The following AFF2 variants were observed in gnomAD, a reference collection of about 807,000 sequenced individuals.
AFF2 encodes ALF transcription elongation factor 2, also known as AF4/FMR2 family member 2.
Under a neutral mutation model 76.9 loss-of-function variants are expected in AFF2, and 14 were observed. The observed-to-expected ratio is 0.18, with a 90% CI of 0.12 to 0.28. The LOEUF (loss-of-function observed/expected upper bound fraction) is 0.28, where lower values mean the gene tolerates loss of function less well. Ranked by LOEUF, AFF2 falls within the 10% of genes least tolerant of loss-of-function variation. The pLI is 1.00. For synonymous variants in AFF2, 398 were observed against 366.7 expected (o/e 1.09, Z -0.98); for missense variants, 868 against 1,001.1 (o/e 0.87, Z 1.79).
chrX:148,880,155 G>A (rs1255656045), intron 7 of AFF2, among the ~76,000 whole-genome samples: 1 of 112,037 alleles, frequency 8.9e-6, no homozygotes, highest in Non-Finnish European at 1.9e-5. Context: ...CAGGGATTCT[G>A]TAGGATTCCC....
rs2072184913 is a variant in AFF2 at position 148,966,940 on chromosome X, A to G, written c.3064A>G (p.Thr1022Ala). The G allele has an allele frequency of 8.3e-7, 1 of 1,208,607 alleles. No individual in the cohort carries two copies. Among genetic ancestry groups the G allele is most frequent in the Admixed American group, 2.2e-5 (1 of 45,600 alleles). Residue 1022 changes from threonine (T) to alanine (A), a missense_variant, in exon 14 of 21, where the codon ACC becomes GCC. By Grantham distance (58) the Thr-to-Ala change is moderately conservative. Transcript: ENST00000370460. ...GGCCACCACCACAACTACTACCACT[A>G]CCATTTCCACCATCACCTCTACCAT... The part of the protein sequence containing the change: ...ATATTTTTTT[T>A]ISTITSTITT...
intron 9 of AFF2, among the ~76,000 whole-genome samples, chrX:148,921,387 C>T (rs2071594270): frequency 8.9e-6 from 1 of 112,326 alleles, no homozygotes; most frequent in Non-Finnish European, 1.9e-5. Context: ...CAAGGGAGCC[C>T]TGTACCCGTT....
intron 3 of AFF2, among the ~76,000 whole-genome samples, chrX:148,700,940 C>A (rs1557261778): frequency 9.4e-6 from 1 of 106,350 alleles, no homozygotes; most frequent in Non-Finnish European, 1.9e-5. Context: ...TAATTTGGGG[C>A]CTTTGCCCTT....
At chrX:148,622,156 C>T (rs1010260646) in intron 1 of AFF2, among the ~76,000 whole-genome samples, 2 of 111,922 alleles carry the variant, frequency 1.8e-5, no homozygotes, top group African/African-American at 3.2e-5. Context: ...CAGCCCTTTG[C>T]GAAAGCTCTG....
chrX:148,545,452 A>G (rs1323127490), intron 1 of AFF2, among the ~76,000 whole-genome samples: 1 of 112,016 alleles, frequency 8.9e-6, no homozygotes, highest in Non-Finnish European at 1.9e-5. Flanking sequence ...TCACAGACAA[A>G]TAACTTCACT....
intron 1 of AFF2, among the ~76,000 whole-genome samples, chrX:148,574,979 TGTGTGTGA>T (rs1258278242): frequency 3.9e-4 from 36 of 92,643 alleles, no homozygotes; most frequent in African/African-American, 1.5e-3. Flanking sequence ...TGTGTGTGTG[TGTGTGTGA>T]GAGAGAGACT....
At chrX:148,796,949 G>T (rs1557270543) in intron 3 of AFF2, among the ~76,000 whole-genome samples, 1 of 112,011 alleles carries the variant, frequency 8.9e-6, no homozygotes, top group African/African-American at 3.2e-5. Flanking sequence ...TTTTGAAAAT[G>T]ACATCTAATT....
At chrX:148,617,579 T>C (rs2053825046) in intron 1 of AFF2, among the ~76,000 whole-genome samples, 1 of 112,382 alleles carries the variant, frequency 8.9e-6, no homozygotes, top group Admixed American at 9.4e-5. Flanking sequence ...TTGAATTAGA[T>C]CCCATTTGTC....
chrX:148,581,364 GTATACGTGTACACACATATACACGTA>G (rs2053392778), intron 1 of AFF2, among the ~76,000 whole-genome samples: 1 of 104,378 alleles, frequency 9.6e-6, no homozygotes, highest in Non-Finnish European at 2.0e-5. Context: ...ACATATATAC[GTATACGTGTACACACATATACACGTA>G]TATACGTATA....
At chrX:148,524,633 C>T (rs782409468) in intron 1 of AFF2, among the ~76,000 whole-genome samples, 47 of 112,509 alleles carry the variant, frequency 4.2e-4, no homozygotes, top group African/African-American at 1.5e-3. Context: ...TAGAATTTCT[C>T]AGAATATTCC....
intron 2 of AFF2, among the ~76,000 whole-genome samples, chrX:148,659,500 A>G (rs1460178098): frequency 2.7e-5 from 3 of 112,511 alleles, no homozygotes; most frequent in Non-Finnish European, 5.6e-5. Context: ...TTTCTGTGAA[A>G]GCCAGATAAT....
chrX:148,828,891 G>A (rs1384691224), intron 4 of AFF2, among the ~76,000 whole-genome samples: 1 of 112,115 alleles, frequency 8.9e-6, no homozygotes, highest in Non-Finnish European at 1.9e-5. Context: ...AGTACACAGT[G>A]GAGATTCAGA....
chrX:148,521,888 C>A (rs1477708694), intron 1 of AFF2, among the ~76,000 whole-genome samples: 1 of 111,981 alleles, frequency 8.9e-6, no homozygotes, highest in Non-Finnish European at 1.9e-5. Context: ...TTGTGCCGTC[C>A]AAAAGCACTG....
chrX:148,617,729 G>A (rs1202607598), intron 1 of AFF2, among the ~76,000 whole-genome samples: 2 of 112,287 alleles, frequency 1.8e-5, no homozygotes, highest in African/African-American at 6.5e-5. Context: ...AATCTTTCTT[G>A]TGTATACCTG....
intron 3 of AFF2, among the ~76,000 whole-genome samples, chrX:148,700,462 G>GTGTGT (rs201478374): frequency 3.0e-5 from 3 of 98,984 alleles, no homozygotes; most frequent in Admixed American, 1.1e-4. Flanking sequence ...GTGTGTGTGT[G>GTGTGT]GTGATTGCGG....
At chrX:148,798,791 C>A (rs1014198439) in intron 3 of AFF2, among the ~76,000 whole-genome samples, 7 of 112,109 alleles carry the variant, frequency 6.2e-5, no homozygotes, top group Non-Finnish European at 1.3e-4. Flanking sequence ...AACCATGGTA[C>A]ACCATGTATC....
rs149638413 is a variant in AFF2 at position 148,948,716 on chromosome X, A to G, written c.1398-4864A>G. Among the ~76,000 whole-genome samples the G allele has an allele frequency of 9.1e-3, 1,005 of 110,280 alleles. 14 individuals are homozygous for G. The highest frequency in any genetic ancestry group is 0.032 in the African/African-American group (968 of 30,268). ...ATGAGGTCACTGTTTGGGATTAGCC[A>G]TCTCTCAGAACAATTGTTCATTGTT... On this transcript the variant is annotated intron_variant, in intron 9 of 20. Coordinates refer to ENST00000370460, the MANE Select transcript of AFF2 (RefSeq NM_002025.4).
intron 3 of AFF2, among the ~76,000 whole-genome samples, chrX:148,677,790 T>C (rs1453790767): frequency 8.9e-6 from 1 of 112,153 alleles, no homozygotes; most frequent in Non-Finnish European, 1.9e-5. Flanking sequence ...TATGATAAAA[T>C]ATTGATGGAG....
intron 3 of AFF2, among the ~76,000 whole-genome samples, chrX:148,742,737 G>A (rs782780204): frequency 4.5e-5 from 5 of 111,714 alleles, no homozygotes; most frequent in East Asian, 2.8e-4. Context: ...TTATTTTCCC[G>A]CAGGAATAGG....
Sources: gnomAD v4.1 joint callset for allele counts (sites outside exome capture counted in the v4.1 genomes callset) on GRCh38, gnomAD v4.1.1 for gene constraint, MANE v1.5 for transcripts, NCBI Gene and HGNC (gene_info 2026-07-23, HGNC 2026-07-21) for gene names.